The following DRC11 variants were observed in gnomAD, a reference collection of about 807,000 sequenced individuals.
DRC11 encodes the protein dynein regulatory complex subunit 11.
At chr2:236,404,037 T>C in the DRC11 span, among the ~76,000 whole-genome samples, 1 of 152,022 alleles carries the variant, frequency 6.6e-6, no homozygotes, top group African/African-American at 2.4e-5. Context: ...TTGCACACTC[T>C]GGCCCACTTC....
At chr2:236,374,377 G>C in the DRC11 span, among the ~76,000 whole-genome samples, 2 of 152,264 alleles carry the variant, frequency 1.3e-5, no homozygotes, top group East Asian at 3.9e-4. Flanking sequence ...GCCAGATTTT[G>C]GTGGATATTT....
the DRC11 span, among the ~76,000 whole-genome samples, chr2:236,381,641 T>C: frequency 6.6e-6 from 1 of 152,368 alleles, no homozygotes; most frequent in East Asian, 1.9e-4. This position sits in a 1 kb window ranked among gnomAD's most constrained non-coding sequence, Gnocchi z 5.8. Context: ...ACAGTCTACC[T>C]CTAGTTCCCA....
chr2:236,324,442 A>G, the DRC11 span: 2 of 379,324 alleles, frequency 5.3e-6, no homozygotes, highest in East Asian at 5.0e-5. The surrounding 1 kb of genome is among the most constrained non-coding windows in gnomAD (Gnocchi z 5.7). Context: ...AAAGCTGTGG[A>G]AAGTTATGAT....
chr2:236,479,566 A>G, the DRC11 span, among the ~76,000 whole-genome samples: 2 of 152,210 alleles, frequency 1.3e-5, no homozygotes, highest in Admixed American at 6.5e-5. The surrounding 1 kb of genome is among the most constrained non-coding windows in gnomAD (Gnocchi z 4.1). Flanking sequence ...TTTTAAAAAG[A>G]TGAGGACTTA....
At chr2:236,495,764 T>C in the DRC11 span, among the ~76,000 whole-genome samples, 7 of 152,194 alleles carry the variant, frequency 4.6e-5, no homozygotes, top group Admixed American at 3.9e-4. This position sits in a 1 kb window ranked among gnomAD's most constrained non-coding sequence, Gnocchi z 5.6. Context: ...TGACAGCACA[T>C]GGTTCAGTCA....
At chr2:236,488,210 A>G in the DRC11 span, 8 of 1,534,976 alleles carry the variant, frequency 5.2e-6, no homozygotes, top group Middle Eastern at 1.7e-4. Context: ...AACAGTCAAG[A>G]TAAACCAATG....
chr2:236,426,351 T>C, the DRC11 span, among the ~76,000 whole-genome samples: 1 of 152,030 alleles, frequency 6.6e-6, no homozygotes, highest in African/African-American at 2.4e-5. This position sits in a 1 kb window ranked among gnomAD's most constrained non-coding sequence, Gnocchi z 4.1. Context: ...AATACACAGA[T>C]CCTTCACCTC....
chr2:236,383,644 T>TG, the DRC11 span, among the ~76,000 whole-genome samples: 1 of 150,760 alleles, frequency 6.6e-6, no homozygotes, highest in African/African-American at 2.5e-5. Context: ...TTTTTTTTTT[T>TG]TTTGTTTTGT....
At chr2:236,482,079 T>C in the DRC11 span, among the ~76,000 whole-genome samples, 5 of 97,614 alleles carry the variant, frequency 5.1e-5, no homozygotes, top group Non-Finnish European at 1.1e-4. The surrounding 1 kb of genome is among the most constrained non-coding windows in gnomAD (Gnocchi z 4.5). Context: ...CTACATATTA[T>C]ATGTATAATT....
the DRC11 span, among the ~76,000 whole-genome samples, chr2:236,382,572 C>T: frequency 5.3e-5 from 8 of 152,128 alleles, no homozygotes; most frequent in Non-Finnish European, 1.2e-4. Context: ...TCTTCCAATT[C>T]ATGAATATGG....
At chr2:236,382,238 CA>C in the DRC11 span, among the ~76,000 whole-genome samples, 1 of 152,154 alleles carries the variant, frequency 6.6e-6, no homozygotes, top group African/African-American at 2.4e-5. Context: ...GCACCTTCAT[CA>C]AAAGTCAGGT....
chr2:236,401,447 C>T, the DRC11 span, among the ~76,000 whole-genome samples: 7 of 152,160 alleles, frequency 4.6e-5, no homozygotes, highest in South Asian at 2.1e-4. This position sits in a 1 kb window ranked among gnomAD's most constrained non-coding sequence, Gnocchi z 4.6. Context: ...GGAAGGACCC[C>T]GCCAGCCCTG....
At chr2:236,393,280 G>A in the DRC11 span, among the ~76,000 whole-genome samples, 4 of 152,146 alleles carry the variant, frequency 2.6e-5, no homozygotes, top group Admixed American at 6.5e-5. This position sits in a 1 kb window ranked among gnomAD's most constrained non-coding sequence, Gnocchi z 4.7. Context: ...GGCAGCTGAG[G>A]ACCCAGGGCA....
chr2:236,316,177 T>TCTCTCTCTCTCTCTCTCTCTCTCTCTC, the DRC11 span, among the ~76,000 whole-genome samples: 1 of 131,846 alleles, frequency 7.6e-6, no homozygotes, highest in African/African-American at 3.5e-5. This position sits in a 1 kb window ranked among gnomAD's most constrained non-coding sequence, Gnocchi z 6.8. Flanking sequence ...CTCTCTCTCT[T>TCTCTCTCTCTCTCTCTCTCTCTCTCTC]TTTGAGATGG....
chr2:236,476,282 T>C, the DRC11 span, among the ~76,000 whole-genome samples: 1 of 152,168 alleles, frequency 6.6e-6, no homozygotes, highest in South Asian at 2.1e-4. The surrounding 1 kb of genome is among the most constrained non-coding windows in gnomAD (Gnocchi z 4.7). Flanking sequence ...ATCTTTCACA[T>C]CTTTGGTTTA....
At chr2:236,493,350 A>G in the DRC11 span, among the ~76,000 whole-genome samples, 1 of 152,208 alleles carries the variant, frequency 6.6e-6, no homozygotes, top group Non-Finnish European at 1.5e-5. Flanking sequence ...TATCTACTCA[A>G]CCTGCAATTA....
At chr2:236,374,722 C>T in the DRC11 span, among the ~76,000 whole-genome samples, 1 of 152,068 alleles carries the variant, frequency 6.6e-6, no homozygotes, top group Non-Finnish European at 1.5e-5. Flanking sequence ...TGGTGTTTCG[C>T]TCTTGTTGCC....
chr2:236,441,259 G>A, the DRC11 span: 1 of 647,660 alleles, frequency 1.5e-6, no homozygotes, highest in Non-Finnish European at 2.8e-6. Flanking sequence ...CAAGGGCTGG[G>A]CATGGTGTCT....
At chr2:236,461,449 C>G in the DRC11 span, among the ~76,000 whole-genome samples, 148 of 152,280 alleles carry the variant, frequency 9.7e-4, no homozygotes, top group African/African-American at 3.5e-3. This position sits in a 1 kb window ranked among gnomAD's most constrained non-coding sequence, Gnocchi z 4.0. Context: ...AAAATCATCC[C>G]AAGTATATTT....
Sources: allele counts gnomAD v4.1 joint callset (sites outside exome capture counted in the v4.1 genomes callset), GRCh38; gene constraint gnomAD v4.1.1; non-coding constraint Gnocchi (gnomAD v3.1); transcripts MANE v1.5; gene names NCBI Gene and HGNC (gene_info 2026-07-23, HGNC 2026-07-21).